DNAH11: variants seen among roughly 807,000 people sequenced by gnomAD.
DNAH11 encodes axonemal beta dynein heavy chain 11.
In DNAH11, 442 loss-of-function variants were observed where a neutral mutation model predicts 526.0. The ratio of observed to expected loss-of-function variants is 0.84; its 90% CI spans 0.78 to 0.91. The LOEUF is 0.91. Among genes scored for constraint, DNAH11 ranks in the 40% least tolerant of loss-of-function variants. The pLI is 0.00. For synonymous variants in DNAH11, 2,461 were observed against 1,935.9 expected (o/e 1.27, Z -7.12); for missense variants, 6,989 against 5,448.7 (o/e 1.28, Z -8.90).
intron 81 of DNAH11, 53 bp from the exon 82 acceptor site, chr7:21,900,951 CATT>C: frequency 3.3e-6 from 5 of 1,504,112 alleles, no homozygotes; most frequent in South Asian, 1.4e-5. Flanking sequence ...CTTACTTGAT[CATT>C]ATCATTAGTA....
At chr7:21,900,897 AAT>A in intron 81 of DNAH11, 108 bp from the exon 82 acceptor site, 1 of 1,475,348 alleles carries the variant, frequency 6.8e-7, no homozygotes, top group African/African-American at 1.4e-5. Context: ...GACAAGCAAA[AAT>A]ATGACAAAAC....
At chr7:21,711,461 T>C (rs959567068) in intron 41 of DNAH11, among the ~76,000 whole-genome samples, 12 of 152,242 alleles carry the variant, frequency 7.9e-5, no homozygotes, top group African/African-American at 9.6e-5. Flanking sequence ...ACATGTCTTA[T>C]ATTTGGCTTA....
At chr7:21,860,699 C>T (rs1783029637) in intron 68 of DNAH11, among the ~76,000 whole-genome samples, 1 of 152,184 alleles carries the variant, frequency 6.6e-6, no homozygotes, top group Admixed American at 6.5e-5. Flanking sequence ...CACAGTAAGA[C>T]TGTGACTCTG....
intron 79 of DNAH11, among the ~76,000 whole-genome samples, chr7:21,896,369 A>G (rs1784516805): frequency 6.6e-6 from 1 of 152,236 alleles, no homozygotes; most frequent in Admixed American, 6.5e-5. Context: ...GTAGAATTAT[A>G]GGACACGATT....
In DNAH11 at chr7:21,867,972, CG is replaced by C; in HGVS notation, c.11809del (p.Val3937Ter). ...PATPIFFILS[P>X]GVDALKDLEI... ...ACCCCCATATTCTTCATCCTGTCTCCGGGGGTAGATGCCCTTAAAGACCTGG... is the reference window on the plus strand; with the variant it reads ...ACCCCCATATTCTTCATCCTGTCTCCGGGGTAGATGCCCTTAAAGACCTGG... On this transcript the variant is annotated frameshift_variant, in exon 72 of 82. Coordinates refer to ENST00000409508, the MANE Select transcript of DNAH11 (RefSeq NM_001277115.2). LOFTEE classifies it high-confidence loss of function. 6.4e-7 allele frequency: 1 copy of C among 1,561,632 alleles called. No homozygotes were observed. The highest frequency in any genetic ancestry group is 1.2e-5 in the South Asian group (1 of 84,042).
At chr7:21,794,101 T>A (rs1351854102) in intron 61 of DNAH11, among the ~76,000 whole-genome samples, 2 of 152,240 alleles carry the variant, frequency 1.3e-5, no homozygotes, top group Non-Finnish European at 2.9e-5. Flanking sequence ...CCAGGATTTT[T>A]AAAAAATTAT....
chr7:21,852,512 T>C lies in DNAH11; in HGVS notation c.10942T>C (p.Tyr3648His). ...AAATGATTTTAAAATTGAGCTCAAG[T>C]ATCTGGAAGACGATCTCCTTTTGCG... The part of the protein sequence containing the change: ...HQNDFKIELK[Y>H]LEDDLLLRLS... The change falls in exon 67 of 82, where the codon TAT becomes CAT. Residue 3648 changes from tyrosine (Y) to histidine (H), a missense_variant. By Grantham distance (83) the Tyr-to-His change is moderately conservative (BLOSUM62 2). Transcript: ENST00000409508. 2 of 1,613,630 alleles carry C rather than the reference T, an allele frequency of 1.2e-6. No homozygotes were observed. The highest frequency in any genetic ancestry group is 2.2e-5 in the East Asian group (1 of 44,864).
intron 5 of DNAH11, among the ~76,000 whole-genome samples, chr7:21,563,838 A>G (rs1197106035): frequency 1.3e-5 from 2 of 152,196 alleles, no homozygotes; most frequent in Non-Finnish European, 2.9e-5. Flanking sequence ...TCCAAGCCAT[A>G]AAGTGACAAC....
At chr7:21,861,812 C>T in intron 68 of DNAH11, 41 bp from the exon 69 acceptor site, 1 of 1,605,402 alleles carries the variant, frequency 6.2e-7, no homozygotes. Flanking sequence ...GACATCCAGG[C>T]ACCAGTTGTC....
intron 4 of DNAH11, 23 bp from the exon 5 acceptor site, chr7:21,561,048 C>A (rs757294794): frequency 6.7e-7 from 1 of 1,496,780 alleles, no homozygotes; most frequent in Non-Finnish European, 9.1e-7. Flanking sequence ...TATTAAAGTT[C>A]TTCTTTTTTT....
chr7:21,876,716 T>C (rs1783726770), intron 74 of DNAH11, among the ~76,000 whole-genome samples: 1 of 152,194 alleles, frequency 6.6e-6, no homozygotes, highest in East Asian at 1.9e-4. Flanking sequence ...AGCCCCCATA[T>C]CCACATTCCT....
chr7:21,620,387 C>T (rs80166864), intron 25 of DNAH11, among the ~76,000 whole-genome samples: 117 of 152,082 alleles, frequency 7.7e-4, no homozygotes, highest in Non-Finnish European at 1.2e-3. Flanking sequence ...CCTCTTGCCC[C>T]CTCCCCCCGG....
At chr7:21,819,841 G>T (rs1444189244) in intron 65 of DNAH11, among the ~76,000 whole-genome samples, 2 of 152,078 alleles carry the variant, frequency 1.3e-5, no homozygotes, top group African/African-American at 4.8e-5. Context: ...AAAATATCAG[G>T]CCAGAACAGT....
At position 21,599,945 on chromosome 7, in the gene DNAH11, G is replaced by GT; in HGVS notation, c.2832dup (p.Gln945SerfsTer10). On this transcript the variant is annotated frameshift_variant, in exon 15 of 82. Transcript: ENST00000409508. LOFTEE classifies it high-confidence loss of function. ...CAGAGAAACAATTGAAACCGGCACC[G>GT]TTTTTTCAAGCACAAATGATCTTGT... The GT allele has an allele frequency of 3.7e-6, 6 of 1,613,054 alleles. No homozygotes were observed. The highest frequency in any genetic ancestry group is 5.1e-6 in the Non-Finnish European group (6 of 1,179,384).
intron 30 of DNAH11, among the ~76,000 whole-genome samples, chr7:21,680,990 T>A (rs73273563): frequency 6.6e-6 from 1 of 152,080 alleles, no homozygotes; most frequent in South Asian, 2.1e-4. Flanking sequence ...AGAGGGTCAG[T>A]CCAGTGCAGC....
Position 21,543,128 on chromosome 7 carries a change from G to A in DNAH11, c.-118G>A. 1 of 1,433,394 alleles carries A rather than the reference G, an allele frequency of 7.0e-7. No individual in the cohort carries two copies. Among genetic ancestry groups the A allele is most frequent in the Non-Finnish European group, 9.1e-7 (1 of 1,101,010 alleles). 88.8% of individuals were successfully genotyped at this position (1,433,394 alleles called of 1,614,324 possible). A position where few individuals can be genotyped will look rare whatever the true frequency, so the allele number is the denominator to read the frequency against. On this transcript the variant is annotated 5_prime_UTR_variant, in exon 1 of 82. Transcript: ENST00000409508. Reference sequence around the variant, plus strand: ...CAGCAGGTGGGAGACTAGGGTCTGCGCTCGCGGCGACCGCGGAGGAGGGTG... The same window carrying A: ...CAGCAGGTGGGAGACTAGGGTCTGCACTCGCGGCGACCGCGGAGGAGGGTG...
chr7:21,616,930 C>T (rs887486746), intron 22 of DNAH11, among the ~76,000 whole-genome samples: 1 of 152,122 alleles, frequency 6.6e-6, no homozygotes, highest in African/African-American at 2.4e-5. Context: ...TTTTCCACCC[C>T]AGGGCTTCCT....
intron 8 of DNAH11, among the ~76,000 whole-genome samples, chr7:21,577,461 G>C (rs995523538): frequency 6.6e-6 from 1 of 152,144 alleles, no homozygotes; most frequent in Non-Finnish European, 1.5e-5. Context: ...GGTGTCCGGA[G>C]ACCATGTGGG....
intron 65 of DNAH11, among the ~76,000 whole-genome samples, chr7:21,832,067 G>C (rs1781802716): frequency 6.6e-6 from 1 of 151,402 alleles, no homozygotes; most frequent in Admixed American, 6.6e-5. Context: ...TGCAGCCTGG[G>C]TGACAGAGTG....
Sources: allele counts gnomAD v4.1 joint callset (sites outside exome capture counted in the v4.1 genomes callset), GRCh38; gene constraint gnomAD v4.1.1; transcripts MANE v1.5; gene names NCBI Gene and HGNC (gene_info 2026-07-23, HGNC 2026-07-21).